CADPS: variants seen among roughly 807,000 people sequenced by gnomAD.
CADPS encodes calcium-dependent secretion activator 1.
CADPS carries 57 observed loss-of-function variants against 167.3 expected under a neutral mutation model. The ratio of observed to expected loss-of-function variants is 0.34; its 90% CI spans 0.28 to 0.42. The LOEUF is 0.42. Ranked by LOEUF, CADPS falls within the 20% of genes least tolerant of loss-of-function variation. The pLI, the probability that CADPS is intolerant of heterozygous loss-of-function variation, is 1.00. For synonymous variants in CADPS, 676 were observed against 635.3 expected (o/e 1.06, Z -0.96); for missense variants, 1,414 against 1,738.1 (o/e 0.81, Z 3.32).
chr3:62,875,197 G>C lies in CADPS; in HGVS notation c.-168C>G, dbSNP rs1393533729. ...GGCCGCCGCGACTGATCCTCTGCCC[G>C]GCGGTCGCGAGCTGGGCTCAGACCC... On this transcript the variant is annotated 5_prime_UTR_variant, in exon 1 of 30. Coordinates refer to ENST00000383710, the MANE Select transcript of CADPS (RefSeq NM_003716.4). 5 of 933,684 alleles carry C rather than the reference G, an allele frequency of 5.4e-6. No individual in the cohort carries two copies. The African/African-American group carries it at 8.7e-5, about 16-fold the overall frequency. 57.8% of individuals were successfully genotyped at this position (933,684 alleles called of 1,614,324 possible). A position where few individuals can be genotyped will look rare whatever the true frequency, so the allele number is the denominator to read the frequency against.
chr3:62,753,900 C>G lies in CADPS; in HGVS notation c.556-127G>C, dbSNP rs756959528. 4 of 804,892 alleles carry G rather than the reference C, an allele frequency of 5.0e-6. No individual in the cohort carries two copies. The highest frequency in any genetic ancestry group is 7.8e-6 in the Non-Finnish European group (4 of 512,848). 49.9% of individuals were successfully genotyped at this position (804,892 alleles called of 1,614,324 possible). A position where few individuals can be genotyped will look rare whatever the true frequency, so the allele number is the denominator to read the frequency against. ...AGGAGGAACCACTGTGGGTCTCACC[C>G]TGCCCCACCACCTCCTGGCTGTGCA... On this transcript the variant is annotated intron_variant, in intron 2 of 29. Transcript: ENST00000383710. This position sits in a 1 kb window ranked among gnomAD's most constrained non-coding sequence, Gnocchi z 4.6.
At chr3:62,808,441 C>T (rs76147598) in intron 1 of CADPS, among the ~76,000 whole-genome samples, 3,479 of 152,156 alleles carry the variant, frequency 0.023, 63 homozygotes, top group South Asian at 0.061. Context: ...TCAAAGGGTG[C>T]GGTCAAAAAG....
intron 17 of CADPS, among the ~76,000 whole-genome samples, chr3:62,511,662 T>C (rs1014496343): frequency 3.3e-5 from 5 of 152,158 alleles, no homozygotes; most frequent in Non-Finnish European, 7.4e-5. Flanking sequence ...TCTCTCAAGA[T>C]GCAGTTCAAT....
rs539527892 is a variant in CADPS at position 62,629,956 on chromosome 3, G to A, written c.1325+15766C>T. 4.3e-4 allele frequency among the ~76,000 whole-genome samples: 65 copies of A among 152,082 alleles called. 1 individual carries two copies. In the South Asian group the frequency reaches 0.013, roughly 30 times the overall value. The stretch of plus-strand genomic sequence containing the variant: ...GAGGTAATTTGAAGCTAATCTCAAG[G>A]GAGTTTTTCCCATCACACCAGTGAT... On this transcript the variant is annotated intron_variant, in intron 6 of 29. Coordinates refer to ENST00000383710, the MANE Select transcript of CADPS (RefSeq NM_003716.4).
In CADPS at chr3:62,794,714, C is replaced by T. The variant is rs537467735; in HGVS notation, c.442-28730G>A. Among the ~76,000 whole-genome samples the T allele has an allele frequency of 1.1e-3, 165 of 148,054 alleles. 3 individuals carry two copies. The highest frequency in any genetic ancestry group is 9.9e-3 in the Admixed American group (147 of 14,834). ...TTTTTCCCTAAGGATGGGAGGGCCC[C>T]GCGGATACGTTTCTGTGGGCTAGAG... On this transcript the variant is annotated intron_variant, in intron 1 of 29. Coordinates refer to ENST00000383710, the MANE Select transcript of CADPS (RefSeq NM_003716.4).
In CADPS at chr3:62,403,062, T is replaced by G. The variant is rs778487834; in HGVS notation, c.3882+19A>C. ...TCAGTAAGCTATTTGCAAAGAAGAA[T>G]AATAATCTTTTCTTTTACCTTTACC... On this transcript the variant is annotated intron_variant, in intron 29 of 29. Transcript: ENST00000383710. 15 of 1,458,890 alleles carry G rather than the reference T, an allele frequency of 1.0e-5. No homozygotes were observed. The highest frequency in any genetic ancestry group is 3.5e-5 in the South Asian group (3 of 86,176). 90.4% of individuals were successfully genotyped at this position (1,458,890 alleles called of 1,614,324 possible). A position where few individuals can be genotyped will look rare whatever the true frequency, so the allele number is the denominator to read the frequency against.
chr3:62,802,020 C>G (rs1318459072), intron 1 of CADPS, among the ~76,000 whole-genome samples: 2 of 152,110 alleles, frequency 1.3e-5, no homozygotes, highest in Non-Finnish European at 2.9e-5. Flanking sequence ...CCAGTGAAGT[C>G]TTTGTGAGGA....
intron 3 of CADPS, among the ~76,000 whole-genome samples, chr3:62,730,394 C>T (rs954485562): frequency 3.3e-5 from 5 of 152,158 alleles, no homozygotes; most frequent in East Asian, 1.9e-4. Flanking sequence ...CCTAAAACAT[C>T]GAATTATCCA....
intron 13 of CADPS, among the ~76,000 whole-genome samples, chr3:62,525,679 A>ATGTGTGTGTGTGTG (rs34729200): frequency 0.025 from 3,672 of 148,844 alleles, 88 homozygotes; most frequent in Middle Eastern, 0.058. Flanking sequence ...TAATGTCATT[A>ATGTGTGTGTGTGTG]TGTGTGTGTG....
Position 62,754,215 on chromosome 3 carries a change from C to T in CADPS, c.556-442G>A, listed in dbSNP as rs779740056. On this transcript the variant is annotated intron_variant, in intron 2 of 29. Coordinates refer to ENST00000383710, the MANE Select transcript of CADPS (RefSeq NM_003716.4). The stretch of plus-strand genomic sequence containing the variant: ...TTTTTGAGATAGTCTTGCTCTGTCA[C>T]CTAGGCTGGACTATAGTGACAATCA... Among the ~76,000 whole-genome samples, 22 of 152,306 alleles carry T rather than the reference C, an allele frequency of 1.4e-4. No homozygotes were observed. The East Asian group carries it at 3.3e-3, about 23-fold the overall frequency.
In CADPS at chr3:62,516,041, G is replaced by A; in HGVS notation, c.2581+18C>T. The A allele has an allele frequency of 6.2e-7, 1 of 1,612,560 alleles. No individual in the cohort carries two copies. The highest frequency in any genetic ancestry group is 8.5e-7 in the Non-Finnish European group (1 of 1,179,058). ...ATCAAAATTTAAATTCAAAACTGGG[G>A]GCAGAAGGGAGCCTTACCTTCGATT... On this transcript the variant is annotated intron_variant, in intron 16 of 29. Transcript: ENST00000383710.
intron 6 of CADPS, among the ~76,000 whole-genome samples, chr3:62,619,506 G>T (rs956339191): frequency 6.6e-6 from 1 of 152,068 alleles, no homozygotes; most frequent in Non-Finnish European, 1.5e-5. Context: ...TGAACTCTAT[G>T]ACCTCAGGTT....
intron 1 of CADPS, among the ~76,000 whole-genome samples, chr3:62,860,877 G>T (rs56373001): frequency 0.023 from 3,485 of 152,246 alleles, 54 homozygotes; most frequent in East Asian, 0.066. Flanking sequence ...GTGAGAAAGG[G>T]CAGGGAGCTT....
intron 6 of CADPS, among the ~76,000 whole-genome samples, chr3:62,615,201 T>A (rs2062069705): frequency 6.6e-6 from 1 of 152,124 alleles, no homozygotes; most frequent in Non-Finnish European, 1.5e-5. Flanking sequence ...GGTCTTGGTC[T>A]CCCAGTCATG....
intron 13 of CADPS, among the ~76,000 whole-genome samples, chr3:62,522,311 T>C (rs1264974923): frequency 2.0e-5 from 3 of 152,072 alleles, no homozygotes; most frequent in Non-Finnish European, 2.9e-5. Flanking sequence ...AATTTTGTTT[T>C]AATTTTCTTC....
chr3:62,818,064 G>T lies in CADPS; in HGVS notation c.442-52080C>A, dbSNP rs575324379. On this transcript the variant is annotated intron_variant, in intron 1 of 29. Transcript: ENST00000383710. ...CTTTAGGTTGATGTTAAAATTCAGC[G>T]CCAAGTCCAGAGTGAGACAGAAACC... Among the ~76,000 whole-genome samples, 12 of 152,150 alleles carry T rather than the reference G, an allele frequency of 7.9e-5. 1 individual carries two copies. In the South Asian group the frequency reaches 2.1e-3, roughly 26 times the overall value.
In CADPS at chr3:62,756,347, G is replaced by A. The variant is rs988853349; in HGVS notation, c.556-2574C>T. 3.3e-5 allele frequency among the ~76,000 whole-genome samples: 5 copies of A among 152,206 alleles called. No homozygotes were observed. In the South Asian group the frequency reaches 8.3e-4, roughly 25 times the overall value. On this transcript the variant is annotated intron_variant, in intron 2 of 29. Transcript: ENST00000383710. ...TTCCCAAAGAGTTGGGATTACAGGC[G>A]TGAGCCACCATGCCTGGCCTGATTC... is the stretch of plus-strand genomic sequence containing the variant.
intron 9 of CADPS, among the ~76,000 whole-genome samples, chr3:62,563,602 C>A (rs751060994): frequency 3.9e-5 from 6 of 152,120 alleles, no homozygotes; most frequent in Non-Finnish European, 8.8e-5. Flanking sequence ...TGAGTAAGTT[C>A]TTTAGTGGTG....
chr3:62,701,177 G>C (rs949619497), intron 3 of CADPS, among the ~76,000 whole-genome samples: 1 of 152,042 alleles, frequency 6.6e-6, no homozygotes, highest in African/African-American at 2.4e-5. Flanking sequence ...CAAACATTCA[G>C]TCTAAAACAG....
Sources: gnomAD v4.1 joint callset for allele counts (sites outside exome capture counted in the v4.1 genomes callset) on GRCh38, gnomAD v4.1.1 for gene constraint, Gnocchi (gnomAD v3.1) non-coding constraint, MANE v1.5 for transcripts, NCBI Gene and HGNC (gene_info 2026-07-23, HGNC 2026-07-21) for gene names.